SYT2: variants seen among roughly 807,000 people sequenced by gnomAD.
The protein encoded by SYT2 is synaptotagmin 2, also known as synaptotagmin-2.
A neutral mutation model predicts 39.9 loss-of-function variants in SYT2; 15 were observed. The ratio of observed to expected loss-of-function variants is 0.38; its 90% CI spans 0.25 to 0.58. The LOEUF (loss-of-function observed/expected upper bound fraction) is 0.58, where lower values mean the gene tolerates loss of function less well. Ranked by LOEUF, SYT2 falls within the 20% of genes least tolerant of loss-of-function variation. The probability of loss-of-function intolerance (pLI) is 0.70; values close to 1 mark genes in which losing one functional copy is unlikely to be tolerated. For missense variants in SYT2, 389 were observed against 530.3 expected, an observed-to-expected ratio of 0.73 and a Z score of 2.62; for synonymous variants, 181 against 204.5, an observed-to-expected ratio of 0.89 and a Z score of 0.98.
intron 1 of SYT2, chr1:202,631,942 T>C: frequency 3.9e-6 from 3 of 763,474 alleles, no homozygotes; most frequent in Non-Finnish European, 4.8e-6. Context: ...TGCTGCTGAT[T>C]GGCCTCATTC....
chr1:202,699,744 G>A (rs920235536), intron 1 of SYT2, among the ~76,000 whole-genome samples: 1 of 151,866 alleles, frequency 6.6e-6, no homozygotes, highest in Non-Finnish European at 1.5e-5. Flanking sequence ...GAATATACAG[G>A]GAGCTTTTTT....
chr1:202,659,788 G>A (rs1692345654), intron 1 of SYT2, among the ~76,000 whole-genome samples: 1 of 152,140 alleles, frequency 6.6e-6, no homozygotes, highest in Non-Finnish European at 1.5e-5. Context: ...GCCAATCTGG[G>A]TACAGCCCAG....
chr1:202,692,082 C>T (rs1466544852), intron 1 of SYT2, among the ~76,000 whole-genome samples: 1 of 152,088 alleles, frequency 6.6e-6, no homozygotes, highest in Non-Finnish European at 1.5e-5. Context: ...CCTCCTCCCA[C>T]TGCAGGCTGT....
chr1:202,708,091 T>C (rs1157290454), intron 1 of SYT2, among the ~76,000 whole-genome samples: 1 of 152,222 alleles, frequency 6.6e-6, no homozygotes, highest in African/African-American at 2.4e-5. Context: ...CCAGCTTCAG[T>C]CCTAAATTGA....
intron 1 of SYT2, among the ~76,000 whole-genome samples, chr1:202,615,431 A>G (rs1333068544): frequency 6.6e-6 from 1 of 152,106 alleles, no homozygotes; most frequent in Non-Finnish European, 1.5e-5. Flanking sequence ...ACCCCCCCAC[A>G]TCCCAGGTGT....
chr1:202,700,761 A>T (rs975625654), intron 1 of SYT2, among the ~76,000 whole-genome samples: 1 of 152,222 alleles, frequency 6.6e-6, no homozygotes, highest in Non-Finnish European at 1.5e-5. Flanking sequence ...TCTGCAATAC[A>T]TTACTTTGAT....
At position 202,600,353 on chromosome 1, in the gene SYT2, G is replaced by A. The variant is rs200553744; in HGVS notation, c.919+4C>T. ...CCAATGGCAGCCAGAAGCTCTCCAC[G>A]TACCTGAAAGGCCGCCCACGTCCAT... On this transcript the variant is annotated splice_donor_region_variant and intron_variant, in intron 7 of 8. Transcript: ENST00000367268. The A allele has an allele frequency of 4.0e-5, 64 of 1,613,260 alleles. No individual in the cohort carries two copies. The highest frequency in any genetic ancestry group is 2.0e-4 in the East Asian group (9 of 44,862).
chr1:202,625,154 GGT>G (rs148441082), intron 1 of SYT2, among the ~76,000 whole-genome samples: 1 of 48,124 alleles, frequency 2.1e-5, no homozygotes, highest in Non-Finnish European at 4.8e-5. Flanking sequence ...TAGGGTGTGT[GGT>G]GTGTCTGTGT....
At chr1:202,640,789 A>G (rs1168283352) in intron 1 of SYT2, among the ~76,000 whole-genome samples, 1 of 132,236 alleles carries the variant, frequency 7.6e-6, no homozygotes. Flanking sequence ...AGAGAGAGAG[A>G]GAGACAGACA....
intron 1 of SYT2, among the ~76,000 whole-genome samples, chr1:202,669,757 CA>C (rs796796757): frequency 0.03 from 2,487 of 84,046 alleles, 24 homozygotes; most frequent in South Asian, 0.076. Context: ...GACCCTGTCT[CA>C]AAAAAAAAAA....
intron 1 of SYT2, among the ~76,000 whole-genome samples, chr1:202,669,755 C>T (rs1420546905): frequency 7.1e-6 from 1 of 140,050 alleles, no homozygotes; most frequent in Non-Finnish European, 1.5e-5. Flanking sequence ...GAGACCCTGT[C>T]TCAAAAAAAA....
chr1:202,604,201 T>G, intron 3 of SYT2: 2 of 413,640 alleles, frequency 4.8e-6, no homozygotes, highest in Non-Finnish European at 4.3e-6. Flanking sequence ...AGTAGCCTCA[T>G]TGGGGAGTCA....
chr1:202,622,098 G>A (rs1283014021), intron 1 of SYT2, among the ~76,000 whole-genome samples: 1 of 152,174 alleles, frequency 6.6e-6, no homozygotes, highest in Non-Finnish European at 1.5e-5. Flanking sequence ...ATCTTTCCCG[G>A]CATTGTATTT....
intron 1 of SYT2, among the ~76,000 whole-genome samples, chr1:202,663,964 G>C (rs1290228184): frequency 6.6e-6 from 1 of 152,148 alleles, no homozygotes; most frequent in Admixed American, 6.5e-5. Flanking sequence ...CAAAACTCCA[G>C]GATTCCACAA....
chr1:202,607,427 C>A (rs967145517), intron 1 of SYT2, among the ~76,000 whole-genome samples: 1 of 152,180 alleles, frequency 6.6e-6, no homozygotes, highest in African/African-American at 2.4e-5. Flanking sequence ...ATGCATACAG[C>A]ACAAGAATTT....
Position 202,599,167 on chromosome 1 carries a change from GT to G in SYT2, c.1053+50del, listed in dbSNP as rs1231507119. ...CCCTCTCTTCAACCTCCCCATACATGTTTGCCTCCCCAAACCCTGCTCCATG... is the reference window on the plus strand; with the variant it reads ...CCCTCTCTTCAACCTCCCCATACATGTTGCCTCCCCAAACCCTGCTCCATG... On this transcript the variant is annotated intron_variant, in intron 8 of 8. Transcript: ENST00000367268. The surrounding 1 kb of genome is among the most constrained non-coding windows in gnomAD (Gnocchi z 4.4). 1.2e-6 allele frequency: 2 copies of G among 1,602,838 alleles called. No homozygotes were observed. Among genetic ancestry groups the G allele is most frequent in the Middle Eastern group, 1.7e-4 (1 of 5,730 alleles).
At chr1:202,606,891 T>C (rs1690725443) in intron 1 of SYT2, among the ~76,000 whole-genome samples, 1 of 150,592 alleles carries the variant, frequency 6.6e-6, no homozygotes, top group Non-Finnish European at 1.5e-5. Context: ...CTATGTATAG[T>C]TTTTTTTCAA....
chr1:202,681,013 G>C (rs780240146), intron 1 of SYT2, among the ~76,000 whole-genome samples: 10 of 152,150 alleles, frequency 6.6e-5, no homozygotes, highest in Non-Finnish European at 1.5e-5. Flanking sequence ...ATGGGTCTCT[G>C]TTCAAGCCCT....
intron 1 of SYT2, among the ~76,000 whole-genome samples, chr1:202,692,992 T>C (rs769408420): frequency 2.0e-5 from 3 of 152,202 alleles, no homozygotes; most frequent in Non-Finnish European, 4.4e-5. Context: ...AGCTTAAAAT[T>C]TTTTAAAAAT....
Sources: gnomAD v4.1 joint callset for allele counts (sites outside exome capture counted in the v4.1 genomes callset) on GRCh38, gnomAD v4.1.1 for gene constraint, Gnocchi (gnomAD v3.1) non-coding constraint, MANE v1.5 for transcripts, NCBI Gene and HGNC (gene_info 2026-07-23, HGNC 2026-07-21) for gene names.